The following TENM3 variants were observed in gnomAD, a reference collection of about 807,000 sequenced individuals.
TENM3 encodes teneurin-3.
Under a neutral mutation model 255.1 loss-of-function variants are expected in TENM3, and 63 were observed. That is an observed-to-expected ratio of 0.25 (90% CI 0.20 to 0.30). TENM3 has a LOEUF of 0.30. TENM3 is among the 10% of genes least tolerant of loss of function. The pLI, the probability that TENM3 is intolerant of heterozygous loss-of-function variation, is 1.00. For synonymous variants in TENM3, 1,306 were observed against 1,322.3 expected (o/e 0.99, Z 0.27); for missense variants, 2,929 against 3,461.1 (o/e 0.85, Z 3.86).
chr4:182,790,054 G>A (rs1169551964), intron 25 of TENM3, among the ~76,000 whole-genome samples: 1 of 152,124 alleles, frequency 6.6e-6, no homozygotes, highest in Non-Finnish European at 1.5e-5. Flanking sequence ...ATTGACTGGG[G>A]TCAGAGGAAA....
At chr4:181,516,634 G>T in the TENM3 span, among the ~76,000 whole-genome samples, 2 of 152,056 alleles carry the variant, frequency 1.3e-5, no homozygotes, top group Non-Finnish European at 2.9e-5. Context: ...AAATGAGCTG[G>T]ATGTGGTGGC....
the TENM3 span, among the ~76,000 whole-genome samples, chr4:181,796,281 A>T: frequency 6.6e-6 from 1 of 152,198 alleles, no homozygotes; most frequent in Non-Finnish European, 1.5e-5. Flanking sequence ...AATCACAGCA[A>T]ATCCGACAAG....
At chr4:182,526,992 G>C (rs1739266985) in intron 3 of TENM3, among the ~76,000 whole-genome samples, 1 of 150,924 alleles carries the variant, frequency 6.6e-6, no homozygotes, top group Non-Finnish European at 1.5e-5. Context: ...TTTTTTCTGA[G>C]CTCCTAATAT....
the TENM3 span, among the ~76,000 whole-genome samples, chr4:181,473,602 A>C: frequency 1.3e-5 from 2 of 151,876 alleles, no homozygotes; most frequent in Non-Finnish European, 2.9e-5. Flanking sequence ...AAAAAACAAC[A>C]ACCAAAAAAA....
the TENM3 span, among the ~76,000 whole-genome samples, chr4:181,552,532 A>G: frequency 6.6e-6 from 1 of 152,206 alleles, no homozygotes; most frequent in South Asian, 2.1e-4. Flanking sequence ...ACTCACTATA[A>G]AGTCCTGTCA....
chr4:182,789,020 G>A lies in TENM3; in HGVS notation c.5305-73G>A. On this transcript the variant is annotated intron_variant, in intron 24 of 27. Transcript: ENST00000511685. This position sits in a 1 kb window ranked among gnomAD's most constrained non-coding sequence, Gnocchi z 4.4. ...AAGAGAATCAATCATCGTAAATGGT[G>A]TTTAAACAATACTGGGGACTCCGGT... The A allele has an allele frequency of 2.2e-6, 3 of 1,334,644 alleles. No individual in the cohort carries two copies. The highest frequency in any genetic ancestry group is 2.0e-6 in the Non-Finnish European group (2 of 987,032). The allele number at this position is 1,334,644 out of a possible 1,614,324, so 82.7% of individuals were successfully genotyped here. A position where few individuals can be genotyped will look rare whatever the true frequency, so the allele number is the denominator to read the frequency against.
the TENM3 span, among the ~76,000 whole-genome samples, chr4:181,553,314 G>C: frequency 8.7e-6 from 1 of 115,402 alleles, no homozygotes; most frequent in African/African-American, 3.7e-5. Flanking sequence ...GTGTGTATGT[G>C]TATGCGTATA....
rs543403449 is a variant in TENM3 at position 182,563,483 on chromosome 4, TACTTGATATAATTC to T, written c.512-37422_512-37409del. On this transcript the variant is annotated intron_variant, in intron 3 of 27. Transcript: ENST00000511685. ...GAGGGGAAGGGGAAACTTTCACTTT[TACTTGATATAATTC>T]ACTTGATATAATTCACTTTCACTTT... Among the ~76,000 whole-genome samples, 807 of 152,316 alleles carry T rather than the reference TACTTGATATAATTC, an allele frequency of 5.3e-3. 1 individual carries two copies. The highest frequency in any genetic ancestry group is 9.2e-3 in the Admixed American group (141 of 15,294).
chr4:181,458,087 G>A, the TENM3 span, among the ~76,000 whole-genome samples: 13 of 151,894 alleles, frequency 8.6e-5, no homozygotes, highest in South Asian at 6.2e-4. Context: ...CTATTGTACC[G>A]CAAACAATTG....
intron 1 of TENM3, among the ~76,000 whole-genome samples, chr4:182,161,832 T>C (rs1751313282): frequency 2.1e-5 from 1 of 48,172 alleles, no homozygotes; most frequent in Non-Finnish European, 5.2e-5. Flanking sequence ...TATACACATA[T>C]ATATGTGTAT....
the TENM3 span, among the ~76,000 whole-genome samples, chr4:181,799,592 A>T: frequency 1.3e-4 from 20 of 152,376 alleles, no homozygotes; most frequent in Non-Finnish European, 1.9e-4. Flanking sequence ...ATAGCAGCAG[A>T]CATGTATTAC....
At chr4:182,650,317 C>T (rs1306571759) in intron 5 of TENM3, among the ~76,000 whole-genome samples, 1 of 150,196 alleles carries the variant, frequency 6.7e-6, no homozygotes, top group East Asian at 2.0e-4. Context: ...CTTCTTCTTG[C>T]CACTGTCTGC....
chr4:182,498,640 G>A (rs1580749674), intron 3 of TENM3, among the ~76,000 whole-genome samples: 1 of 152,054 alleles, frequency 6.6e-6, no homozygotes, highest in Non-Finnish European at 1.5e-5. Context: ...GATCACCTGA[G>A]GTCAGGAGTT....
chr4:182,796,900 AC>A (rs1271858645), intron 27 of TENM3, 133 bp downstream of exon 27: 7 of 608,926 alleles, frequency 1.1e-5, no homozygotes, highest in South Asian at 3.4e-5. Context: ...GGGAAAAAAA[AC>A]AACACTTCCT....
chr4:182,397,319 T>A (rs1768898080), intron 3 of TENM3, among the ~76,000 whole-genome samples: 1 of 140,726 alleles, frequency 7.1e-6, no homozygotes, highest in Admixed American at 7.9e-5. Flanking sequence ...GAGAATCACT[T>A]GAAACTGGGA....
the TENM3 span, among the ~76,000 whole-genome samples, chr4:181,857,134 T>C: frequency 5.3e-5 from 8 of 152,124 alleles, no homozygotes; most frequent in Non-Finnish European, 8.8e-5. Flanking sequence ...AGGGAATATT[T>C]TTTCATATTG....
At chr4:182,030,719 G>T in the TENM3 span, among the ~76,000 whole-genome samples, 3 of 151,540 alleles carry the variant, frequency 2.0e-5, no homozygotes, top group Non-Finnish European at 3.0e-5. Flanking sequence ...AGCATCTGTT[G>T]TTTCCTGACT....
At chr4:181,639,177 G>A in the TENM3 span, among the ~76,000 whole-genome samples, 1 of 152,138 alleles carries the variant, frequency 6.6e-6, no homozygotes, top group Non-Finnish European at 1.5e-5. Flanking sequence ...AAAGCTATGG[G>A]AAATGATGGA....
At chr4:182,513,639 T>G (rs1737638823) in intron 3 of TENM3, among the ~76,000 whole-genome samples, 1 of 152,166 alleles carries the variant, frequency 6.6e-6, no homozygotes, top group Admixed American at 6.5e-5. Context: ...CTGCAATAAT[T>G]CAGGTGACAG....
Sources: gnomAD v4.1 joint callset for allele counts (sites outside exome capture counted in the v4.1 genomes callset) on GRCh38, gnomAD v4.1.1 for gene constraint, Gnocchi (gnomAD v3.1) non-coding constraint, MANE v1.5 for transcripts, NCBI Gene and HGNC (gene_info 2026-07-23, HGNC 2026-07-21) for gene names.